The following MGAT5B variants were observed in gnomAD, a reference collection of about 807,000 sequenced individuals.
MGAT5B encodes alpha-1,6-mannosylglycoprotein 6-beta-N-acetylglucosaminyltransferase B.
In MGAT5B, 54 loss-of-function variants were observed where a neutral mutation model predicts 95.1. That is an observed-to-expected ratio of 0.57 (90% CI 0.46 to 0.71). MGAT5B has a LOEUF of 0.71. MGAT5B is among the 30% of genes least tolerant of loss of function. The probability of loss-of-function intolerance (pLI) is 0.00; values close to 1 mark genes in which losing one functional copy is unlikely to be tolerated. For synonymous variants in MGAT5B, 464 were observed against 451.0 expected, an observed-to-expected ratio of 1.03 and a Z score of -0.36; for missense variants, 935 against 1,088.6, an observed-to-expected ratio of 0.86 and a Z score of 1.99.
rs1239501693 is a variant in MGAT5B at position 76,912,519 on chromosome 17, C to T, written c.1025+6332C>T. Among the ~76,000 whole-genome samples, 2 of 152,108 alleles carry T rather than the reference C, an allele frequency of 1.3e-5. No homozygotes were observed. Among genetic ancestry groups the T allele is most frequent in the Non-Finnish European group, 2.9e-5 (2 of 68,026 alleles). ...CGTGGGAGGCGGTGGGACAAAGACGCGGCTTGTACATTTGTTGTAGTTTAT... is the reference window on the plus strand; with the variant it reads ...CGTGGGAGGCGGTGGGACAAAGACGTGGCTTGTACATTTGTTGTAGTTTAT... On this transcript the variant is annotated intron_variant, in intron 8 of 17. Coordinates refer to ENST00000569840, the MANE Select transcript of MGAT5B (RefSeq NM_001199172.2). This position sits in a 1 kb window ranked among gnomAD's most constrained non-coding sequence, Gnocchi z 5.0.
intron 3 of MGAT5B, among the ~76,000 whole-genome samples, chr17:76,898,311 C>G (rs1195426141): frequency 1.3e-5 from 2 of 150,546 alleles, no homozygotes; most frequent in African/African-American, 4.9e-5. Context: ...TAAATGGAGT[C>G]ACAGAGTACA....
At chr17:76,935,001 C>T (rs780217588) in intron 12 of MGAT5B, among the ~76,000 whole-genome samples, 6 of 152,108 alleles carry the variant, frequency 3.9e-5, no homozygotes, top group East Asian at 1.9e-4. Context: ...CAGGGCAAGG[C>T]GTTGGGTGAA....
intron 2 of MGAT5B, among the ~76,000 whole-genome samples, chr17:76,875,227 A>G (rs1967142471): frequency 6.6e-6 from 1 of 152,054 alleles, no homozygotes; most frequent in Admixed American, 6.5e-5. Flanking sequence ...CCCAAATCTC[A>G]TCTTGAATCG....
chr17:76,934,851 A>T (rs1209692794), intron 12 of MGAT5B, among the ~76,000 whole-genome samples: 1 of 152,122 alleles, frequency 6.6e-6, no homozygotes, highest in Non-Finnish European at 1.5e-5. Context: ...GGCTGGATGG[A>T]GAGAAAAATG....
At chr17:76,879,386 C>T (rs569394842) in intron 2 of MGAT5B, among the ~76,000 whole-genome samples, 11 of 152,322 alleles carry the variant, frequency 7.2e-5, no homozygotes, top group African/African-American at 2.6e-4. Flanking sequence ...TGTGGTCAGT[C>T]AGGCCTGAGT....
intron 15 of MGAT5B, among the ~76,000 whole-genome samples, chr17:76,941,201 A>G (rs1371704237): frequency 6.6e-6 from 1 of 152,264 alleles, no homozygotes; most frequent in Non-Finnish European, 1.5e-5. Context: ...GAGGTTCTTG[A>G]AACTGCTGCA....
chr17:76,905,114 G>T lies in MGAT5B; in HGVS notation c.691-55G>T. 1 of 1,550,686 alleles carries T rather than the reference G, an allele frequency of 6.4e-7. No individual in the cohort carries two copies. Among genetic ancestry groups the T allele is most frequent in the South Asian group, 1.2e-5 (1 of 81,736 alleles). On this transcript the variant is annotated intron_variant, in intron 6 of 17. Coordinates refer to ENST00000569840, the MANE Select transcript of MGAT5B (RefSeq NM_001199172.2). This position sits in a 1 kb window ranked among gnomAD's most constrained non-coding sequence, Gnocchi z 4.2. ...CAGCCCCTGTCCCCAGGCCAGCGGG[G>T]AATGATGGTGGCCGCAGGTTGAGGG... is the stretch of plus-strand genomic sequence containing the variant.
chr17:76,883,005 T>TA (rs200591076), intron 3 of MGAT5B, among the ~76,000 whole-genome samples: 152 of 150,268 alleles, frequency 1.0e-3, no homozygotes, highest in South Asian at 6.6e-3. Flanking sequence ...CCTTTTAAAT[T>TA]AAAAAAAAAA....
rs1049358604 is a variant in MGAT5B, at chr17:76,908,415, C to T, written c.1025+2228C>T. ...CTGAGTAGCTGGGATTACAGGTGTA[C>T]GCTACTACGCCTGGCTAATTTCTGT... is the stretch of plus-strand genomic sequence containing the variant. On this transcript the variant is annotated intron_variant, in intron 8 of 17. Coordinates refer to ENST00000569840, the MANE Select transcript of MGAT5B (RefSeq NM_001199172.2). Among the ~76,000 whole-genome samples the T allele has an allele frequency of 1.1e-4, 16 of 151,582 alleles. 1 individual carries two copies. Among genetic ancestry groups the T allele is most frequent in the South Asian group, 6.3e-4 (3 of 4,800 alleles).
intron 3 of MGAT5B, among the ~76,000 whole-genome samples, chr17:76,901,250 C>T (rs955870016): frequency 5.3e-5 from 8 of 152,018 alleles, no homozygotes; most frequent in South Asian, 2.1e-4. Context: ...TTTGCAGACC[C>T]GAACGGAGCC....
chr17:76,942,054 G>T (rs571706786), intron 15 of MGAT5B, among the ~76,000 whole-genome samples: 18 of 152,350 alleles, frequency 1.2e-4, no homozygotes, highest in Admixed American at 9.8e-4. Flanking sequence ...GTGACGGAGG[G>T]TGGGGCGCTG....
rs78658872 is a variant in MGAT5B, at chr17:76,930,570, C to T, written c.1292-2075C>T. Reference sequence around the variant, plus strand: ...ATCCCAGTGCGCAGAAGGCAGGGCTCGTGTGCCTGCAGATTCGTAGGTCTC... The same window carrying T: ...ATCCCAGTGCGCAGAAGGCAGGGCTTGTGTGCCTGCAGATTCGTAGGTCTC... On this transcript the variant is annotated intron_variant, in intron 10 of 17. Transcript: ENST00000569840. The surrounding 1 kb of genome is among the most constrained non-coding windows in gnomAD (Gnocchi z 4.1). Among the ~76,000 whole-genome samples, 6,760 of 152,214 alleles carry T rather than the reference C, an allele frequency of 0.044. 218 individuals carry two copies. Among genetic ancestry groups the T allele is most frequent in the South Asian group, 0.1 (491 of 4,816 alleles).
At chr17:76,894,986 C>T (rs368771353) in intron 3 of MGAT5B, among the ~76,000 whole-genome samples, 12 of 152,264 alleles carry the variant, frequency 7.9e-5, no homozygotes, top group African/African-American at 2.4e-4. Context: ...GGACCGGTAC[C>T]GCTCCATGGT....
Position 76,905,222 on chromosome 17 carries a change from G to A in MGAT5B, c.744G>A (p.Lys248=). The change falls in exon 7 of 18, where the codon AAG becomes AAA. Residue 248 remains lysine (K), a synonymous_variant. Transcript: ENST00000569840. This position sits in a 1 kb window ranked among gnomAD's most constrained non-coding sequence, Gnocchi z 4.2. ...TTCTGGACCTGATGGGCAGCGGGAAGGAGTCCCTGATCTTCATGAAGAAGC... is the reference window on the plus strand; with the variant it reads ...TTCTGGACCTGATGGGCAGCGGGAAAGAGTCCCTGATCTTCATGAAGAAGC... ...SHLLDLMGSG[K]ESLIFMKKRT... is the part of the protein sequence containing the mutation. The A allele has an allele frequency of 6.2e-7, 1 of 1,613,626 alleles. No individual in the cohort carries two copies. Among genetic ancestry groups the A allele is most frequent in the Non-Finnish European group, 8.5e-7 (1 of 1,179,710 alleles).
chr17:76,935,925 A>G (rs1037625379), intron 12 of MGAT5B, among the ~76,000 whole-genome samples: 31 of 140,732 alleles, frequency 2.2e-4, no homozygotes, highest in Non-Finnish European at 4.1e-4. Flanking sequence ...TATATATTAT[A>G]TAATTATATA....
intron 13 of MGAT5B, among the ~76,000 whole-genome samples, chr17:76,939,512 C>T (rs1257047258): frequency 1.3e-5 from 2 of 151,344 alleles, no homozygotes; most frequent in Non-Finnish European, 2.9e-5. Flanking sequence ...GACTCCGTCT[C>T]AAAATTTTTT....
chr17:76,910,422 A>G (rs1018939826), intron 8 of MGAT5B, among the ~76,000 whole-genome samples: 14 of 152,226 alleles, frequency 9.2e-5, no homozygotes, highest in Non-Finnish European at 1.5e-5. Flanking sequence ...GCACCCATGC[A>G]TACACGTGCA....
chr17:76,903,493 C>T, intron 5 of MGAT5B, 117 bp downstream of exon 5: 3 of 650,370 alleles, frequency 4.6e-6, no homozygotes, highest in South Asian at 2.3e-5. Flanking sequence ...AGCTTCTCTG[C>T]TCAGTGCATC....
chr17:76,946,082 C>G (rs8082316), intron 15 of MGAT5B, among the ~76,000 whole-genome samples: 110,160 of 149,430 alleles, frequency 0.74, 40,758 homozygotes, highest in Non-Finnish European at 0.76. Flanking sequence ...GTAGGGGACA[C>G]AGCGCTGAGC....
Sources: allele counts gnomAD v4.1 joint callset (sites outside exome capture counted in the v4.1 genomes callset), GRCh38; gene constraint gnomAD v4.1.1; non-coding constraint Gnocchi (gnomAD v3.1); transcripts MANE v1.5; gene names NCBI Gene and HGNC (gene_info 2026-07-23, HGNC 2026-07-21).